EFCAB5: variants seen among roughly 807,000 people sequenced by gnomAD.
The protein encoded by EFCAB5 is EF-hand calcium-binding domain-containing protein 5.
A neutral mutation model predicts 167.9 loss-of-function variants in EFCAB5; 131 were observed. The observed-to-expected ratio is 0.78, with a 90% CI of 0.68 to 0.90. The LOEUF (loss-of-function observed/expected upper bound fraction) is 0.90, where lower values mean the gene tolerates loss of function less well. Among genes scored for constraint, EFCAB5 ranks in the 40% least tolerant of loss-of-function variants. The pLI is 0.00. For missense variants in EFCAB5, 1,663 were observed against 1,745.2 expected, an observed-to-expected ratio of 0.95 and a Z score of 0.84; for synonymous variants, 574 against 602.8, an observed-to-expected ratio of 0.95 and a Z score of 0.70.
chr17:29,930,303 A>C, intron 1 of EFCAB5: 2 of 424,756 alleles, frequency 4.7e-6, no homozygotes, highest in East Asian at 4.3e-5. Flanking sequence ...CCTGGTCGTA[A>C]CCCTTGAGTT....
chr17:30,093,018 T>A, intron 22 of EFCAB5, 82 bp downstream of exon 22: 2 of 1,080,906 alleles, frequency 1.9e-6, no homozygotes, highest in East Asian at 2.7e-5. Context: ...ATAAAGCAAG[T>A]GGGTCATAAA....
intron 7 of EFCAB5, among the ~76,000 whole-genome samples, chr17:30,003,418 A>C (rs948383981): frequency 2.0e-5 from 3 of 151,860 alleles, no homozygotes; most frequent in Non-Finnish European, 4.4e-5. Flanking sequence ...ATTTTTGTAG[A>C]AACAGGGTCT....
chr17:30,083,008 A>C lies in EFCAB5; in HGVS notation c.3544A>C (p.Ile1182Leu). 1 of 1,614,012 alleles carries C rather than the reference A, an allele frequency of 6.2e-7. No homozygotes were observed. Among genetic ancestry groups the C allele is most frequent in the Non-Finnish European group, 8.5e-7 (1 of 1,179,888 alleles). The part of the protein sequence containing the change: ...LYDVTSSITS[I>L]TTYFVEPSPA... ...TGACGTCACATCCAGCATCACCTCCATCACTACGTACTTTGTAGAGCCTAG... is the reference window on the plus strand; with the variant it reads ...TGACGTCACATCCAGCATCACCTCCCTCACTACGTACTTTGTAGAGCCTAG... The change falls in exon 18 of 23, where the codon ATC (isoleucine) becomes CTC (leucine). Residue 1182 changes from isoleucine (I) to leucine (L), a missense_variant. Physicochemically the swap from Ile to Leu is conservative, Grantham distance 5. Transcript: ENST00000394835.
Position 30,078,373 on chromosome 17 carries a change from G to C in EFCAB5, c.2896G>C (p.Glu966Gln), listed in dbSNP as rs887618066. Residue 966 changes from glutamate (E) to glutamine (Q), a missense_variant, in exon 15 of 23, where the codon GAG becomes CAG. Glu to Gln is a conservative substitution (Grantham distance 29). Coordinates refer to ENST00000394835, the MANE Select transcript of EFCAB5 (RefSeq NM_198529.4). ...TGTGGAATTTCTGATGAATGCTTTA[G>C]AGAGGAGCCACATTGAGAGTCTGAG... ...SVVEFLMNAL[E>Q]RSHIESLRNS... The C allele has an allele frequency of 1.2e-6, 2 of 1,614,032 alleles. No homozygotes were observed. Among genetic ancestry groups the C allele is most frequent in the Non-Finnish European group, 1.7e-6 (2 of 1,179,898 alleles).
chr17:30,009,661 A>AT (rs753530111), intron 7 of EFCAB5, among the ~76,000 whole-genome samples: 12 of 152,046 alleles, frequency 7.9e-5, no homozygotes, highest in African/African-American at 2.9e-4. Flanking sequence ...GGTTGTTTTC[A>AT]TTTTTTGGCT....
chr17:30,067,924 T>C (rs143229617), intron 14 of EFCAB5, among the ~76,000 whole-genome samples: 3 of 152,202 alleles, frequency 2.0e-5, no homozygotes, highest in Non-Finnish European at 4.4e-5. Context: ...CATGATCTTA[T>C]ATATTAAAAA....
chr17:30,063,371 C>T (rs2070476703), intron 14 of EFCAB5, among the ~76,000 whole-genome samples: 1 of 152,112 alleles, frequency 6.6e-6, no homozygotes, highest in African/African-American at 2.4e-5. Flanking sequence ...ACCTGAGTTG[C>T]CTTTGAGTTT....
intron 8 of EFCAB5, among the ~76,000 whole-genome samples, chr17:30,035,226 T>C (rs1025370520): frequency 6.6e-5 from 10 of 152,204 alleles, no homozygotes; most frequent in African/African-American, 2.4e-4. Flanking sequence ...GTAATAAATA[T>C]TGAGTGACAA....
chr17:29,999,354 T>C (rs2068612744), intron 6 of EFCAB5, among the ~76,000 whole-genome samples: 1 of 152,126 alleles, frequency 6.6e-6, no homozygotes, highest in Non-Finnish European at 1.5e-5. Flanking sequence ...ATAGAAAGGT[T>C]GCTGGAAGGA....
rs756778065 is a variant in EFCAB5, at chr17:30,078,435, A to G, written c.2958A>G (p.Gln986=). The G allele has an allele frequency of 1.1e-5, 17 of 1,613,826 alleles. No individual in the cohort carries two copies. Among genetic ancestry groups the G allele is most frequent in the East Asian group, 2.2e-5 (1 of 44,900 alleles). ...GGCGGAAATGGCTGCACCAAATCCA[A>G]TGTGCTGCAGAGACAAGTGGGGTGT... ...SARRKWLHQI[Q]CAAETSGVSL... is the part of the protein sequence containing the mutation. Residue 986 remains glutamine (Q), a synonymous_variant, in exon 15 of 23, where the codon CAA becomes CAG. Coordinates refer to ENST00000394835, the MANE Select transcript of EFCAB5 (RefSeq NM_198529.4).
chr17:30,042,250 C>G (rs2069794692), intron 8 of EFCAB5, among the ~76,000 whole-genome samples: 1 of 152,120 alleles, frequency 6.6e-6, no homozygotes, highest in South Asian at 2.1e-4. Context: ...CTCAGGTGAC[C>G]CAAGTGCCTC....
intron 3 of EFCAB5, 27 bp from the exon 4 acceptor site, chr17:29,968,764 T>G: frequency 7.0e-7 from 1 of 1,437,776 alleles, no homozygotes; most frequent in Non-Finnish European, 9.1e-7. Context: ...CTAACATTTC[T>G]TACATTTCAC....
intron 12 of EFCAB5, 52 bp from the exon 13 acceptor site, chr17:30,057,624 T>C: frequency 6.6e-7 from 1 of 1,511,744 alleles, no homozygotes; most frequent in Non-Finnish European, 9.1e-7. Context: ...TTATTTTCCC[T>C]AACTGAAAAA....
intron 14 of EFCAB5, among the ~76,000 whole-genome samples, chr17:30,064,350 G>A (rs1485249633): frequency 2.0e-5 from 3 of 152,132 alleles, no homozygotes; most frequent in Non-Finnish European, 4.4e-5. Flanking sequence ...AAACCCTGCA[G>A]CTGAAGAATT....
chr17:29,978,185 A>G (rs1287031951), intron 4 of EFCAB5, among the ~76,000 whole-genome samples: 1 of 152,170 alleles, frequency 6.6e-6, no homozygotes, highest in Non-Finnish European at 1.5e-5. Context: ...AGGAAAACCC[A>G]CAGGTGCTTC....
In EFCAB5 at chr17:30,056,160, C is replaced by T. The variant is rs1249614789; in HGVS notation, c.2365+4C>T. The T allele has an allele frequency of 6.2e-7, 1 of 1,603,136 alleles. No homozygotes were observed. Among genetic ancestry groups the T allele is most frequent in the East Asian group, 2.2e-5 (1 of 44,676 alleles). ...TATGGTAACTCCAGGTTCACAGGTA[C>T]ATGTTAACAATGAAAGTAGGAATAG... On this transcript the variant is annotated splice_donor_region_variant and intron_variant, in intron 12 of 22. Transcript: ENST00000394835.
At position 30,057,846 on chromosome 17, in the gene EFCAB5, G is replaced by C; in HGVS notation, c.2536G>C (p.Gly846Arg). The part of the protein sequence containing the change: ...SETLTSFFKE[G>R]YVETEQEKMN... ...GACTCTCACCTCCTTTTTTAAGGAG[G>C]GCTATGTTGAAACAGAACAAGAGAA... The change falls in exon 13 of 23, where the codon GGC becomes CGC. Residue 846 changes from glycine to arginine, a missense_variant. Physicochemically the swap from Gly to Arg is moderately radical, Grantham distance 125. Transcript: ENST00000394835. 1 of 1,613,624 alleles carries C rather than the reference G, an allele frequency of 6.2e-7. No homozygotes were observed. The highest frequency in any genetic ancestry group is 2.2e-5 in the East Asian group (1 of 44,884).
At chr17:30,103,627 G>A (rs2071408391) in intron 22 of EFCAB5, among the ~76,000 whole-genome samples, 1 of 152,176 alleles carries the variant, frequency 6.6e-6, no homozygotes, top group East Asian at 1.9e-4. Context: ...ACACTACAGT[G>A]CCTTTGGGAC....
chr17:29,965,675 G>A (rs186848333), intron 3 of EFCAB5, among the ~76,000 whole-genome samples: 11 of 152,206 alleles, frequency 7.2e-5, no homozygotes, highest in East Asian at 3.9e-4. Context: ...TTTTGGTACC[G>A]TTGTCAAAAA....
Sources: gnomAD v4.1 joint callset for allele counts (sites outside exome capture counted in the v4.1 genomes callset) on GRCh38, gnomAD v4.1.1 for gene constraint, MANE v1.5 for transcripts, NCBI Gene and HGNC (gene_info 2026-07-23, HGNC 2026-07-21) for gene names.